CTNS: variants seen among roughly 807,000 people sequenced by gnomAD.
The protein encoded by CTNS is cystinosin.
Under a neutral mutation model 43.7 loss-of-function variants are expected in CTNS, and 27 were observed. The ratio of observed to expected loss-of-function variants is 0.62; its 90% CI spans 0.46 to 0.85. The LOEUF (loss-of-function observed/expected upper bound fraction) is 0.85, where lower values mean the gene tolerates loss of function less well. Ranked by LOEUF, CTNS falls within the 40% of genes least tolerant of loss-of-function variation. The pLI, the probability that CTNS is intolerant of heterozygous loss-of-function variation, is 0.00. For synonymous variants in CTNS, 187 were observed against 190.6 expected (o/e 0.98, Z 0.16); for missense variants, 457 against 475.4 (o/e 0.96, Z 0.36).
intron 5 of CTNS, among the ~76,000 whole-genome samples, chr17:3,652,535 C>T (rs777394373): frequency 7.9e-5 from 12 of 151,644 alleles, no homozygotes; most frequent in Non-Finnish European, 1.0e-4. Flanking sequence ...GAGGTTGCAG[C>T]GAGCCGAAAT....
rs2142983130 is a variant in CTNS at position 3,660,360 on chromosome 17, G to T, written c.1095G>T (p.Gln365His). ...ACAGAAAGAGACCGGGGTATGACCAGCTGAACTAGCACCCAGGGACCCAGT... is the reference window on the plus strand; with the variant it reads ...ACAGAAAGAGACCGGGGTATGACCATCTGAACTAGCACCCAGGGACCCAGT... The part of the protein sequence containing the change: ...CLYRKRPGYD[Q>H]LN The change falls in exon 12 of 12, where the codon CAG becomes CAT. Residue 365 changes from glutamine (Q) to histidine (H), a missense_variant. Gln to His is a conservative substitution (Grantham distance 24). Transcript: ENST00000046640. 1 of 1,614,204 alleles carries T rather than the reference G, an allele frequency of 6.2e-7. No individual in the cohort carries two copies. The highest frequency in any genetic ancestry group is 1.6e-4 in the Middle Eastern group (1 of 6,062).
intron 5 of CTNS, among the ~76,000 whole-genome samples, chr17:3,653,279 TG>T (rs1301426287): frequency 6.7e-6 from 1 of 150,300 alleles, no homozygotes; most frequent in African/African-American, 2.5e-5. Flanking sequence ...TGGGTATGGT[TG>T]TGGGCACCTG....
At chr17:3,642,602 G>T (rs897506334) in intron 3 of CTNS, among the ~76,000 whole-genome samples, 1 of 152,088 alleles carries the variant, frequency 6.6e-6, no homozygotes, top group African/African-American at 2.4e-5. Context: ...TAGGAGAATC[G>T]CTTGAACCCG....
chr17:3,647,656 A>G (rs1243851363), intron 4 of CTNS, 134 bp downstream of exon 4: 3 of 820,616 alleles, frequency 3.7e-6, no homozygotes, highest in Non-Finnish European at 4.1e-6. Context: ...AAGCCCTAGA[A>G]AAAGGGATGG....
At chr17:3,649,854 C>T (rs186996607) in intron 5 of CTNS, among the ~76,000 whole-genome samples, 23 of 152,234 alleles carry the variant, frequency 1.5e-4, no homozygotes, top group African/African-American at 4.6e-4. Flanking sequence ...ACAAGATGAA[C>T]GCAAGTCACT....
chr17:3,660,273 T>G lies in CTNS; in HGVS notation c.1008T>G (p.Phe336Leu), dbSNP rs762561354. The change falls in exon 12 of 12, where the codon TTT (phenylalanine) becomes TTG (leucine). Residue 336 changes from phenylalanine (F) to leucine (L), a missense_variant. Physicochemically the swap from Phe to Leu is conservative, Grantham distance 22 (BLOSUM62 0). Transcript: ENST00000046640. Reference protein sequence around the residue: ...WTLIFGDPTKFGLGVFSIVFD... With the variant: ...WTLIFGDPTKLGLGVFSIVFD... The stretch of plus-strand genomic sequence containing the variant: ...TGATCTTCGGAGACCCAACCAAGTT[T>G]GGACTCGGGGTCTTCTCCATCGTCT... The G allele has an allele frequency of 1.2e-5, 19 of 1,614,164 alleles. No homozygotes were observed. Among genetic ancestry groups the G allele is most frequent in the Non-Finnish European group, 1.7e-6 (2 of 1,180,058 alleles).
intron 5 of CTNS, chr17:3,650,647 G>T: frequency 4.5e-6 from 1 of 224,342 alleles, no homozygotes. Context: ...AGGGTGTGAG[G>T]CCAGCATGCA....
chr17:3,645,859 C>CAAAAA, intron 3 of CTNS, among the ~76,000 whole-genome samples: 1 of 74,254 alleles, frequency 1.3e-5, no homozygotes. Flanking sequence ...GACTCTGTCT[C>CAAAAA]AAAAAAAAAA....
In CTNS at chr17:3,661,753, G is replaced by C. The variant is rs998716406; in HGVS notation, c.*1384G>C. On this transcript the variant is annotated 3_prime_UTR_variant, in exon 12 of 12. Coordinates refer to ENST00000046640, the MANE Select transcript of CTNS (RefSeq NM_004937.3). ...AGTCTCCCAGGCTCCGTGTCTTCACGGTTACCAGGGCACGCCACTCAATCT... is the reference window on the plus strand; with the variant it reads ...AGTCTCCCAGGCTCCGTGTCTTCACCGTTACCAGGGCACGCCACTCAATCT... 2.0e-5 allele frequency among the ~76,000 whole-genome samples: 3 copies of C among 152,218 alleles called. No homozygotes were observed. The highest frequency in any genetic ancestry group is 2.0e-4 in the Admixed American group (3 of 15,288).
At position 3,660,770 on chromosome 17, in the gene CTNS, C is replaced by T. The variant is rs1255456159; in HGVS notation, c.*401C>T. 6.2e-6 allele frequency: 10 copies of T among 1,612,736 alleles called. No homozygotes were observed. Among genetic ancestry groups the T allele is most frequent in the Non-Finnish European group, 8.5e-6 (10 of 1,179,886 alleles). On this transcript the variant is annotated 3_prime_UTR_variant, in exon 12 of 12. Coordinates refer to ENST00000046640, the MANE Select transcript of CTNS (RefSeq NM_004937.3). ...GGGTGAGCCAAGGGCACTTTGCTGC[C>T]ACCGCTGCATTCCCAGAGATCAAGC...
intron 3 of CTNS, among the ~76,000 whole-genome samples, chr17:3,640,942 C>T (rs2075671175): frequency 6.6e-6 from 1 of 152,094 alleles, no homozygotes; most frequent in African/African-American, 2.4e-5. Context: ...TGCCTCTGCC[C>T]TGTGGACCTC....
At chr17:3,655,520 C>G (rs1000781207) in intron 7 of CTNS, 168 bp downstream of exon 7, 5 of 999,492 alleles carry the variant, frequency 5.0e-6, no homozygotes, top group Non-Finnish European at 7.5e-6. Context: ...GGGTCGGATT[C>G]CCGTGCTGGG....
intron 3 of CTNS, among the ~76,000 whole-genome samples, chr17:3,642,142 CGTGTGTGTGT>C (rs75793503): frequency 4.5e-4 from 66 of 146,402 alleles, no homozygotes; most frequent in African/African-American, 1.6e-3. Flanking sequence ...TGTGCCCGGG[CGTGTGTGTGT>C]GTGTGTGTGT....
Position 3,648,926 on chromosome 17 carries a change from G to C in CTNS, c.220G>C (p.Asp74His). The change falls in exon 5 of 12, where the codon GAT (aspartate) becomes CAT (histidine). Residue 74 changes from aspartate to histidine, a missense_variant. Coordinates refer to ENST00000046640, the MANE Select transcript of CTNS (RefSeq NM_004937.3). ...AAATATTACTATCCTTGAGCTCCCC[G>C]ATGAAGTAAGTAACCAATCTTAACG... ...SKNITILELPDEVVVPPGVTN... is the reference protein window; with the variant it reads ...SKNITILELPHEVVVPPGVTN... The C allele has an allele frequency of 6.2e-7, 1 of 1,608,494 alleles. No homozygotes were observed. Among genetic ancestry groups the C allele is most frequent in the Non-Finnish European group, 8.5e-7 (1 of 1,174,922 alleles).
chr17:3,647,582 G>C, intron 4 of CTNS, 60 bp downstream of exon 4: 1 of 1,416,358 alleles, frequency 7.1e-7, no homozygotes, highest in Non-Finnish European at 1.0e-6. Context: ...CTGGGTCAGG[G>C]CTGACCCCTG....
intron 11 of CTNS, 126 bp from the exon 12 acceptor site, chr17:3,660,110 C>CTAGGG: frequency 6.8e-7 from 1 of 1,474,290 alleles, no homozygotes; most frequent in Non-Finnish European, 9.5e-7. Context: ...AGAGACCCAC[C>CTAGGG]TAGGGGCCTT....
chr17:3,646,668 C>G (rs1487728589), intron 3 of CTNS, among the ~76,000 whole-genome samples: 2 of 152,032 alleles, frequency 1.3e-5, no homozygotes, highest in Non-Finnish European at 1.5e-5. Flanking sequence ...AGCTCCTGGG[C>G]TCAAGCAGTC....
In CTNS at chr17:3,655,319, A is replaced by T. The variant is rs750204861; in HGVS notation, c.428A>T (p.Tyr143Phe). 2 of 1,613,844 alleles carry T rather than the reference A, an allele frequency of 1.2e-6. No individual in the cohort carries two copies. Among genetic ancestry groups the T allele is most frequent in the South Asian group, 2.2e-5 (2 of 91,068 alleles). Residue 143 changes from tyrosine to phenylalanine, a missense_variant, in exon 7 of 12, where the codon TAC becomes TTC. Transcript: ENST00000046640. ...TTTGTGGCCTGGTCCATCTCCTTCT[A>T]CCCTCAGGTGATCATGAATTGGAGG... ...IYFVAWSISFYPQVIMNWRRK... is the reference protein window; with the variant it reads ...IYFVAWSISFFPQVIMNWRRK...
At chr17:3,640,772 C>T (rs1040478817) in intron 3 of CTNS, among the ~76,000 whole-genome samples, 2 of 152,156 alleles carry the variant, frequency 1.3e-5, no homozygotes, top group East Asian at 1.9e-4. Flanking sequence ...TATGCAGTGG[C>T]TCGTGCCTAT....
Sources: gnomAD v4.1 joint callset for allele counts (sites outside exome capture counted in the v4.1 genomes callset) on GRCh38, gnomAD v4.1.1 for gene constraint, MANE v1.5 for transcripts, NCBI Gene and HGNC (gene_info 2026-07-23, HGNC 2026-07-21) for gene names.